Variants in TENM4 observed in about 807,000 individuals in gnomAD.
The protein encoded by TENM4 is teneurin transmembrane protein 4.
TENM4 carries 82 observed loss-of-function variants against 243.3 expected under a neutral mutation model. The ratio of observed to expected loss-of-function variants is 0.34; its 90% CI spans 0.28 to 0.40. TENM4 has a LOEUF of 0.40. TENM4 is among the 10% of genes least tolerant of loss of function. TENM4 has a pLI of 1.00. For missense variants in TENM4, 3,138 were observed against 3,673.3 expected (o/e 0.85, Z 3.77); for synonymous variants, 1,412 against 1,456.3 (o/e 0.97, Z 0.69).
chr11:78,886,979 C>T (rs1438576402), intron 9 of TENM4, among the ~76,000 whole-genome samples: 5 of 152,188 alleles, frequency 3.3e-5, no homozygotes, highest in African/African-American at 1.2e-4. Flanking sequence ...TAGTTGACTG[C>T]AATAGTTTCC....
chr11:78,963,145 A>T (rs1275862589), intron 6 of TENM4, among the ~76,000 whole-genome samples: 1 of 152,232 alleles, frequency 6.6e-6, no homozygotes, highest in Non-Finnish European at 1.5e-5. Flanking sequence ...TCTGATGTTC[A>T]AAGATTAGAA....
intron 6 of TENM4, among the ~76,000 whole-genome samples, chr11:79,054,063 A>G (rs12789742): frequency 0.46 from 70,406 of 151,964 alleles, 19,173 homozygotes; most frequent in Non-Finnish European, 0.62. Flanking sequence ...TGGGTGCGTG[A>G]ACCCAGCTTA....
At chr11:78,708,984 T>TTTA (rs59432159) in intron 26 of TENM4, among the ~76,000 whole-genome samples, 3,129 of 144,966 alleles carry the variant, frequency 0.022, 143 homozygotes, top group African/African-American at 0.08. Flanking sequence ...TTTTTTTTTT[T>TTTA]AAAAAAAGAG....
At chr11:78,877,190 G>C (rs1344880037) in intron 9 of TENM4, among the ~76,000 whole-genome samples, 1 of 151,240 alleles carries the variant, frequency 6.6e-6, no homozygotes, top group Non-Finnish European at 1.5e-5. Context: ...TTTACTGATA[G>C]GAAGAAGCAC....
At chr11:78,944,721 A>C (rs1437741974) in intron 6 of TENM4, among the ~76,000 whole-genome samples, 4 of 152,180 alleles carry the variant, frequency 2.6e-5, no homozygotes, top group Non-Finnish European at 4.4e-5. Context: ...CTGTTCATTA[A>C]ATGCTTTCTA....
chr11:78,782,019 C>G (rs1856847020), intron 16 of TENM4, among the ~76,000 whole-genome samples: 1 of 152,186 alleles, frequency 6.6e-6, no homozygotes, highest in Non-Finnish European at 1.5e-5. Context: ...TCTGTCTTGT[C>G]AAACCACAGG....
In TENM4 at chr11:78,701,388, T is replaced by C. The variant is rs959113690; in HGVS notation, c.5087+138A>G. The C allele has an allele frequency of 5.9e-5, 70 of 1,193,394 alleles. No individual in the cohort carries two copies. The Middle Eastern group carries it at 1.1e-3, about 19-fold the overall frequency. 73.9% of individuals were successfully genotyped at this position (1,193,394 alleles called of 1,614,324 possible). On this transcript the variant is annotated intron_variant, in intron 28 of 33. Coordinates refer to ENST00000278550, the MANE Select transcript of TENM4 (RefSeq NM_001098816.3). ...TTCCTAGGAGAAATCATGTGGAATATGAACATGTAGAATGTATTATAAGTA... is the reference window on the plus strand; with the variant it reads ...TTCCTAGGAGAAATCATGTGGAATACGAACATGTAGAATGTATTATAAGTA...
chr11:79,439,920 G>A (rs1047016040), intron 1 of TENM4, among the ~76,000 whole-genome samples: 1 of 152,036 alleles, frequency 6.6e-6, no homozygotes, highest in Admixed American at 6.5e-5. Context: ...TACCGCGGCC[G>A]GGCGCCCGGT....
intron 27 of TENM4, among the ~76,000 whole-genome samples, chr11:78,703,471 C>T (rs922713263): frequency 1.4e-4 from 21 of 152,290 alleles, no homozygotes; most frequent in African/African-American, 5.1e-4. Flanking sequence ...AAGTGCTGGG[C>T]CCCATGTGGA....
chr11:79,402,423 A>C (rs1280749305), intron 1 of TENM4, among the ~76,000 whole-genome samples: 6 of 152,206 alleles, frequency 3.9e-5, no homozygotes, highest in Admixed American at 2.6e-4. Context: ...CAGCTACAAC[A>C]ATATGCTTGT....
At chr11:79,039,193 C>T (rs1859457895) in intron 6 of TENM4, among the ~76,000 whole-genome samples, 1 of 152,172 alleles carries the variant, frequency 6.6e-6, no homozygotes, top group African/African-American at 2.4e-5. Flanking sequence ...AAGAAACAAC[C>T]CTTAAGCCCT....
At chr11:79,042,893 C>G (rs184239434) in intron 6 of TENM4, among the ~76,000 whole-genome samples, 45 of 152,272 alleles carry the variant, frequency 3.0e-4, no homozygotes, top group Non-Finnish European at 5.3e-4. Flanking sequence ...AGGATCATAT[C>G]CTTTCCTAGA....
In TENM4 at chr11:78,872,144, C is replaced by A. The variant is rs79943741; in HGVS notation, c.1085-9012G>T. On this transcript the variant is annotated intron_variant, in intron 9 of 33. Coordinates refer to ENST00000278550, the MANE Select transcript of TENM4 (RefSeq NM_001098816.3). ...CGTTCAACATAGCAGTGCCAAGATC[C>A]AAAAGCAGATTCCAGTGATGCCAGA... Among the ~76,000 whole-genome samples, 1,076 of 152,214 alleles carry A rather than the reference C, an allele frequency of 7.1e-3. 3 individuals are homozygous for A. The highest frequency in any genetic ancestry group is 0.01 in the Non-Finnish European group (686 of 68,014).
chr11:79,429,945 A>T (rs1859131727), intron 1 of TENM4, among the ~76,000 whole-genome samples: 1 of 152,222 alleles, frequency 6.6e-6, no homozygotes, highest in Non-Finnish European at 1.5e-5. Context: ...AAGTAATTTG[A>T]CCAAGGTCCC....
chr11:79,125,424 T>C (rs1239259560), intron 4 of TENM4, among the ~76,000 whole-genome samples: 1 of 151,882 alleles, frequency 6.6e-6, no homozygotes, highest in African/African-American at 2.4e-5. Context: ...AGAGCTGAAA[T>C]TGTGGAAAAA....
intron 9 of TENM4, among the ~76,000 whole-genome samples, chr11:78,879,659 A>C (rs61881990): frequency 2.1e-5 from 2 of 96,216 alleles, no homozygotes; most frequent in African/African-American, 8.5e-5. Context: ...CGGCCGCCAC[A>C]CCGTCTGGGA....
At chr11:79,118,425 C>T (rs7112227) in intron 4 of TENM4, among the ~76,000 whole-genome samples, 1 of 152,172 alleles carries the variant, frequency 6.6e-6, no homozygotes, top group Non-Finnish European at 1.5e-5. Flanking sequence ...ACCATTTTAA[C>T]CCTTTTCAAG....
chr11:78,835,748 C>T (rs1858090667), intron 12 of TENM4, among the ~76,000 whole-genome samples: 1 of 152,202 alleles, frequency 6.6e-6, no homozygotes, highest in African/African-American at 2.4e-5. Context: ...CCTTCCCTGA[C>T]TCCTACCCCA....
At chr11:78,964,680 T>C (rs1857403065) in intron 6 of TENM4, among the ~76,000 whole-genome samples, 1 of 152,180 alleles carries the variant, frequency 6.6e-6, no homozygotes, top group South Asian at 2.1e-4. Context: ...TTGTCTTCAG[T>C]TCTGATATAT....
Sources: allele counts gnomAD v4.1 joint callset (sites outside exome capture counted in the v4.1 genomes callset), GRCh38; gene constraint gnomAD v4.1.1; transcripts MANE v1.5; gene names NCBI Gene and HGNC (gene_info 2026-07-23, HGNC 2026-07-21).